Variants in ZAR1L observed in about 807,000 individuals in gnomAD.
The protein encoded by ZAR1L is zygote arrest 1 like, also known as protein ZAR1-like.
ZAR1L carries 16 observed loss-of-function variants against 30.0 expected under a neutral mutation model. That is an observed-to-expected ratio of 0.53 (90% confidence interval 0.36 to 0.81). The LOEUF (loss-of-function observed/expected upper bound fraction) is 0.81, where lower values mean the gene tolerates loss of function less well. Ranked by LOEUF, ZAR1L falls within the 30% of genes least tolerant of loss-of-function variation. The pLI is 0.00. For synonymous variants in ZAR1L, 197 were observed against 166.8 expected, an observed-to-expected ratio of 1.18 and a Z score of -1.40; for missense variants, 392 against 417.2, an observed-to-expected ratio of 0.94 and a Z score of 0.53.
chr13:32,306,519 G>C (rs2072176245), intron 5 of ZAR1L, among the ~76,000 whole-genome samples: 1 of 152,174 alleles, frequency 6.6e-6, no homozygotes, highest in Non-Finnish European at 1.5e-5. Flanking sequence ...TACTTCAAAA[G>C]AGATGCAATA....
chr13:32,312,174 A>G, intron 2 of ZAR1L, 81 bp from the exon 3 acceptor site: 2 of 465,884 alleles, frequency 4.3e-6, no homozygotes, highest in South Asian at 7.3e-5. Context: ...CTACCTCTTC[A>G]CTGTTCGGGA....
In ZAR1L at chr13:32,312,020, C is replaced by T. The variant is rs1231565136; in HGVS notation, c.-95G>A. On this transcript the variant is annotated 5_prime_UTR_variant, in exon 3 of 6. An upstream start codon of the reference 5' UTR is lost. Coordinates refer to ENST00000533490, the MANE Select transcript of ZAR1L (RefSeq NM_001136571.2). ...CCTTCATCCGCCCCTTCTTTCTCTT[C>T]ATCAGGTTGGTTCAGATTCATTCCT... The T allele has an allele frequency of 7.3e-7, 1 of 1,365,378 alleles. No homozygotes were observed. The highest frequency in any genetic ancestry group is 9.7e-7 in the Non-Finnish European group (1 of 1,026,898). The allele number at this position is 1,365,378 out of a possible 1,614,324, so 84.6% of individuals were successfully genotyped here.
In ZAR1L at chr13:32,311,436, T is replaced by G; in HGVS notation, c.490A>C (p.Ser164Arg). 1 of 1,548,770 alleles carries G rather than the reference T, an allele frequency of 6.5e-7. No individual in the cohort carries two copies. Among genetic ancestry groups the G allele is most frequent in the South Asian group, 1.2e-5 (1 of 84,056 alleles). The change falls in exon 3 of 6, where the codon AGC becomes CGC. Residue 164 changes from serine (S) to arginine (R), a missense_variant. By Grantham distance (110) the Ser-to-Arg change is moderately radical. Coordinates refer to ENST00000533490, the MANE Select transcript of ZAR1L (RefSeq NM_001136571.2). The part of the protein sequence containing the change: ...SKALPGPAEA[S>R]QPQPPSRRSG... ...CTCCGTGATGGTGGCTGCGGCTGGCTGGCCTCCGCAGGGCCCGGGAGCGCC... is the reference window on the plus strand; with the variant it reads ...CTCCGTGATGGTGGCTGCGGCTGGCGGGCCTCCGCAGGGCCCGGGAGCGCC...
intron 5 of ZAR1L, among the ~76,000 whole-genome samples, chr13:32,305,467 C>T (rs1469676365): frequency 1.3e-5 from 2 of 152,120 alleles, no homozygotes; most frequent in Non-Finnish European, 2.9e-5. Context: ...ACCTCGTGAT[C>T]CACCCGCCTC....
At chr13:32,308,468 A>G (rs1243627498) in intron 5 of ZAR1L, among the ~76,000 whole-genome samples, 1 of 152,084 alleles carries the variant, frequency 6.6e-6, no homozygotes, top group Non-Finnish European at 1.5e-5. Context: ...AAACAAACAC[A>G]CCCCATAAGG....
intron 2 of ZAR1L, 88 bp from the exon 3 acceptor site, chr13:32,312,181 G>C (rs184139842): frequency 1.6e-5 from 7 of 445,830 alleles, no homozygotes; most frequent in African/African-American, 6.0e-5. Flanking sequence ...TTCACTGTTC[G>C]GGAATCTTTT....
chr13:32,310,780 G>T, intron 3 of ZAR1L, 49 bp from the exon 4 acceptor site: 1 of 1,230,894 alleles, frequency 8.1e-7, no homozygotes, highest in Non-Finnish European at 1.2e-6. Context: ...GGGGAAAAAA[G>T]CCAGATCCTT....
chr13:32,307,521 A>G (rs1483663622), intron 5 of ZAR1L, among the ~76,000 whole-genome samples: 2 of 149,922 alleles, frequency 1.3e-5, no homozygotes, highest in Admixed American at 6.6e-5. Flanking sequence ...AAAAAAAAAA[A>G]AAAAAGGCAA....
intron 2 of ZAR1L, 84 bp from the exon 3 acceptor site, chr13:32,312,177 G>C: frequency 2.2e-6 from 1 of 451,068 alleles, no homozygotes; most frequent in Non-Finnish European, 3.9e-6. Flanking sequence ...CCTCTTCACT[G>C]TTCGGGAATC....
chr13:32,311,396 C>A lies in ZAR1L; in HGVS notation c.530G>T (p.Arg177Met). 6.4e-7 allele frequency: 1 copy of A among 1,550,580 alleles called. No homozygotes were observed. The highest frequency in any genetic ancestry group is 8.7e-7 in the Non-Finnish European group (1 of 1,146,956). Residue 177 changes from arginine to methionine, a missense_variant, in exon 3 of 6, where the codon AGG becomes ATG. Coordinates refer to ENST00000533490, the MANE Select transcript of ZAR1L (RefSeq NM_001136571.2). ...QPPSRRSGAD[R>M]QEEPGQLEES... ...CTCCAGCTGCCCGGGCTCCTCCTGC[C>A]TGTCAGCTCCTGACCTCCGTGATGG... is the stretch of plus-strand genomic sequence containing the variant.
chr13:32,304,167 T>A, intron 5 of ZAR1L, 145 bp from the exon 6 acceptor site: 1 of 725,864 alleles, frequency 1.4e-6, no homozygotes, highest in Non-Finnish European at 2.1e-6. Context: ...GACCAAGTTG[T>A]ACAAAATTAC....
rs923596125 is a variant in ZAR1L, at chr13:32,303,841, A to G, written c.*38T>C. On this transcript the variant is annotated 3_prime_UTR_variant, in exon 6 of 6. Coordinates refer to ENST00000533490, the MANE Select transcript of ZAR1L (RefSeq NM_001136571.2). ...GGAAGACAGCACAGTAAGTTACAAG[A>G]AGAGCTCAGGGGTCCATTACAAGTC... 2 of 1,533,942 alleles carry G rather than the reference A, an allele frequency of 1.3e-6. No homozygotes were observed. Among genetic ancestry groups the G allele is most frequent in the Admixed American group, 4.1e-5 (2 of 48,386 alleles).
chr13:32,313,647 G>A (rs760763164), intron 2 of ZAR1L, among the ~76,000 whole-genome samples: 32 of 152,186 alleles, frequency 2.1e-4, no homozygotes, highest in Non-Finnish European at 4.0e-4. Context: ...GATTACAGGC[G>A]TGAGCCACCA....
chr13:32,307,464 A>C (rs1403540878), intron 5 of ZAR1L, among the ~76,000 whole-genome samples: 1 of 127,938 alleles, frequency 7.8e-6, no homozygotes, highest in Non-Finnish European at 1.6e-5. Context: ...GCACCACTGT[A>C]CTCCAGCCTG....
At chr13:32,304,758 C>T (rs183396701) in intron 5 of ZAR1L, among the ~76,000 whole-genome samples, 58 of 151,886 alleles carry the variant, frequency 3.8e-4, no homozygotes, top group African/African-American at 1.3e-3. Flanking sequence ...CCAACCCTGC[C>T]ATTCTATTTT....
At chr13:32,304,184 C>T (rs1457000072) in intron 5 of ZAR1L, among the ~76,000 whole-genome samples, 162 bp from the exon 6 acceptor site, 1 of 152,156 alleles carries the variant, frequency 6.6e-6, no homozygotes, top group African/African-American at 2.4e-5. Context: ...TTACTTGTAT[C>T]ACATTAAATG....
At chr13:32,310,578 T>G (rs901076827) in intron 4 of ZAR1L, 61 bp downstream of exon 4, 4 of 1,153,076 alleles carry the variant, frequency 3.5e-6, no homozygotes, top group African/African-American at 1.5e-5. Context: ...AATCAGATTC[T>G]TCCCCGCTTA....
chr13:32,311,036 T>C (rs942942241), intron 3 of ZAR1L, among the ~76,000 whole-genome samples: 2 of 151,700 alleles, frequency 1.3e-5, no homozygotes, highest in African/African-American at 4.8e-5. Context: ...AATTCTCCAA[T>C]AGCAGTGGTT....
At position 32,308,420 on chromosome 13, in the gene ZAR1L, A is replaced by G. The variant is rs1004858923; in HGVS notation, c.822+266T>C. On this transcript the variant is annotated intron_variant, in intron 5 of 5. Coordinates refer to ENST00000533490, the MANE Select transcript of ZAR1L (RefSeq NM_001136571.2). ...AAAATTAACAGCAGTCACCTTTTAC[A>G]TTACTACATTCTAACTATGCCCAGG... Among the ~76,000 whole-genome samples the G allele has an allele frequency of 8.5e-4, 129 of 152,394 alleles. 1 individual carries two copies. The highest frequency in any genetic ancestry group is 3.0e-3 in the African/African-American group (126 of 41,590).
Sources: gnomAD v4.1 joint callset for allele counts (sites outside exome capture counted in the v4.1 genomes callset) on GRCh38, gnomAD v4.1.1 for gene constraint, MANE v1.5 for transcripts, NCBI Gene and HGNC (gene_info 2026-07-23, HGNC 2026-07-21) for gene names.